Variants in LPCAT2 observed in about 807,000 individuals in gnomAD.
LPCAT2 encodes 1-AGP acyltransferase 11.
LPCAT2 carries 58 observed loss-of-function variants against 64.7 expected under a neutral mutation model. That is an observed-to-expected ratio of 0.90 (90% CI 0.73 to 1.12). The LOEUF is 1.12. Ranked by LOEUF, LPCAT2 falls within the 50% of genes most tolerant of loss-of-function variation. LPCAT2 has a pLI of 0.00. For missense variants in LPCAT2, 579 were observed against 669.8 expected, an observed-to-expected ratio of 0.86 and a Z score of 1.50; for synonymous variants, 252 against 245.3, an observed-to-expected ratio of 1.03 and a Z score of -0.26.
chr16:55,546,707 A>T (rs1345794789), intron 9 of LPCAT2, among the ~76,000 whole-genome samples: 2 of 152,188 alleles, frequency 1.3e-5, no homozygotes, highest in Non-Finnish European at 2.9e-5. Flanking sequence ...TTGGCAAAAA[A>T]TTTGCTATTA....
Position 55,583,237 on chromosome 16 carries a change from T to A in LPCAT2, c.*139T>A. Reference sequence around the variant, plus strand: ...AAACAAAAATGATAGATTTTCTTACTAAAAATGTTTTTATTAACCTTGCTT... The same window carrying A: ...AAACAAAAATGATAGATTTTCTTACAAAAAATGTTTTTATTAACCTTGCTT... On this transcript the variant is annotated 3_prime_UTR_variant, in exon 14 of 14. Coordinates refer to ENST00000262134, the MANE Select transcript of LPCAT2 (RefSeq NM_017839.5). The A allele has an allele frequency of 1.4e-6, 1 of 716,002 alleles. No individual in the cohort carries two copies. Among genetic ancestry groups the A allele is most frequent in the Non-Finnish European group, 2.1e-6 (1 of 465,222 alleles). The allele number at this position is 716,002 out of a possible 1,614,324, so 44.4% of individuals were successfully genotyped here.
chr16:55,575,777 G>A lies in LPCAT2; in HGVS notation c.1314+1048G>A, dbSNP rs545324866. Among the ~76,000 whole-genome samples, 4 of 152,282 alleles carry A rather than the reference G, an allele frequency of 2.6e-5. No homozygotes were observed. The East Asian group carries it at 7.7e-4, about 29-fold the overall frequency. ...CTATCATTGACAGAAGAGCCCCTGA[G>A]TTTACTTTTTATTTCAGATTGGTTT... On this transcript the variant is annotated intron_variant, in intron 12 of 13. Transcript: ENST00000262134.
intron 11 of LPCAT2, among the ~76,000 whole-genome samples, chr16:55,562,646 C>T (rs1963649158): frequency 6.6e-6 from 1 of 151,872 alleles, no homozygotes; most frequent in South Asian, 2.1e-4. Context: ...TTTTTGAGCA[C>T]AGCCATCCTG....
At chr16:55,564,699 T>G (rs532387767) in intron 11 of LPCAT2, among the ~76,000 whole-genome samples, 24 of 152,012 alleles carry the variant, frequency 1.6e-4, no homozygotes, top group Non-Finnish European at 3.1e-4. Flanking sequence ...TAACTCAAAA[T>G]GGATCAAAGA....
chr16:55,521,059 TAATACATTAATAG>T (rs1203635011), intron 1 of LPCAT2, among the ~76,000 whole-genome samples: 2 of 151,824 alleles, frequency 1.3e-5, no homozygotes, highest in Admixed American at 1.3e-4. Context: ...AACATTTGTT[TAATACATTAATAG>T]AATACATTAA....
chr16:55,555,754 C>T (rs1381403466), intron 11 of LPCAT2, among the ~76,000 whole-genome samples: 1 of 152,164 alleles, frequency 6.6e-6, no homozygotes, highest in Non-Finnish European at 1.5e-5. Flanking sequence ...TAATGTATGA[C>T]TGCAGCAGTA....
At chr16:55,576,463 C>A (rs934183912) in intron 12 of LPCAT2, among the ~76,000 whole-genome samples, 1 of 151,510 alleles carries the variant, frequency 6.6e-6, no homozygotes, top group South Asian at 2.1e-4. Flanking sequence ...GACTGACTGA[C>A]GCCAAAGTGG....
intron 1 of LPCAT2, among the ~76,000 whole-genome samples, chr16:55,518,214 T>G (rs1382192323): frequency 6.6e-6 from 1 of 152,030 alleles, no homozygotes; most frequent in Admixed American, 6.6e-5. Context: ...GTGAAATACT[T>G]TAGCAACAGA....
In LPCAT2 at chr16:55,511,095, T is replaced by C. The variant is rs573333065; in HGVS notation, c.171+1743T>C. Among the ~76,000 whole-genome samples the C allele has an allele frequency of 1.1e-4, 16 of 152,262 alleles. No individual in the cohort carries two copies. The South Asian group carries it at 3.3e-3, about 32-fold the overall frequency. On this transcript the variant is annotated intron_variant, in intron 1 of 13. Coordinates refer to ENST00000262134, the MANE Select transcript of LPCAT2 (RefSeq NM_017839.5). ...ACTTAACCTCTCTGAACTATACTTT[T>C]CTCGTCTATTACATTGGAATATTAA...
intron 9 of LPCAT2, among the ~76,000 whole-genome samples, chr16:55,548,574 G>A (rs1245693775): frequency 2.0e-5 from 3 of 152,118 alleles, no homozygotes; most frequent in African/African-American, 7.2e-5. Context: ...CCAGGCTGGA[G>A]TGCAGTGGTG....
At chr16:55,540,030 T>A (rs1246340730) in intron 8 of LPCAT2, 1 of 152,142 alleles carries the variant, frequency 6.6e-6, no homozygotes, top group African/African-American at 2.4e-5. Flanking sequence ...TATCCTTTAG[T>A]TTCACAAGTC....
intron 8 of LPCAT2, among the ~76,000 whole-genome samples, chr16:55,543,590 A>C (rs545590251): frequency 6.6e-6 from 1 of 152,254 alleles, no homozygotes; most frequent in Admixed American, 6.5e-5. Flanking sequence ...TTACTAGATC[A>C]GGATGCAGGG....
chr16:55,535,331 A>C (rs1388735004), intron 7 of LPCAT2, among the ~76,000 whole-genome samples: 2 of 152,196 alleles, frequency 1.3e-5, no homozygotes, highest in Non-Finnish European at 1.5e-5. Flanking sequence ...AACGTAATCC[A>C]ACCAACTTCT....
At chr16:55,555,939 C>T (rs1963569832) in intron 11 of LPCAT2, among the ~76,000 whole-genome samples, 1 of 152,112 alleles carries the variant, frequency 6.6e-6, no homozygotes, top group Non-Finnish European at 1.5e-5. Context: ...CTCAGCCTCC[C>T]AAGTAGCTGG....
At chr16:55,520,960 AAC>A (rs1339000033) in intron 1 of LPCAT2, among the ~76,000 whole-genome samples, 1 of 151,896 alleles carries the variant, frequency 6.6e-6, no homozygotes, top group Non-Finnish European at 1.5e-5. Flanking sequence ...GAACAAATTA[AAC>A]ACAAAGTAAG....
intron 8 of LPCAT2, chr16:55,539,703 G>C (rs541136522): frequency 1.3e-5 from 2 of 152,036 alleles, no homozygotes; most frequent in Non-Finnish European, 2.9e-5. Context: ...TTTCCACTAC[G>C]TCTGCTGAGG....
At position 55,586,409 on chromosome 16, in the gene LPCAT2, CTA is replaced by C. The variant is rs1963947297; in HGVS notation, c.*3313_*3314del. ...TATTTTCTTATTATTTTAAAAGAAT[CTA>C]TGCACATTAGCAAAATTTAAAAGAT... On this transcript the variant is annotated 3_prime_UTR_variant, in exon 14 of 14. Coordinates refer to ENST00000262134, the MANE Select transcript of LPCAT2 (RefSeq NM_017839.5). The C allele has an allele frequency of 6.6e-6, 1 of 151,932 alleles. No homozygotes were observed. The highest frequency in any genetic ancestry group is 1.5e-5 in the Non-Finnish European group (1 of 67,962). 9.4% of individuals were successfully genotyped at this position (151,932 alleles called of 1,614,324 possible). A position where few individuals can be genotyped will look rare whatever the true frequency, so the allele number is the denominator to read the frequency against.
intron 1 of LPCAT2, among the ~76,000 whole-genome samples, chr16:55,523,584 T>C (rs1294559319): frequency 6.6e-6 from 1 of 151,838 alleles, no homozygotes; most frequent in Non-Finnish European, 1.5e-5. Flanking sequence ...AATTGAATAG[T>C]ACTCTCCAAT....
intron 1 of LPCAT2, among the ~76,000 whole-genome samples, chr16:55,518,212 C>T (rs1963040688): frequency 6.6e-6 from 1 of 151,986 alleles, no homozygotes; most frequent in Non-Finnish European, 1.5e-5. Flanking sequence ...GAGTGAAATA[C>T]TTTAGCAACA....
Sources: gnomAD v4.1 joint callset for allele counts (sites outside exome capture counted in the v4.1 genomes callset) on GRCh38, gnomAD v4.1.1 for gene constraint, MANE v1.5 for transcripts, NCBI Gene and HGNC (gene_info 2026-07-23, HGNC 2026-07-21) for gene names.